LHFPL3: variants seen among roughly 807,000 people sequenced by gnomAD.
LHFPL3 encodes the protein LHFPL tetraspan subfamily member 3.
Under a neutral mutation model 19.3 loss-of-function variants are expected in LHFPL3, and 5 were observed. The observed-to-expected ratio is 0.26, with a 90% CI of 0.14 to 0.54. The LOEUF (loss-of-function observed/expected upper bound fraction) is 0.54, where lower values mean the gene tolerates loss of function less well. Ranked by LOEUF, LHFPL3 falls within the 20% of genes least tolerant of loss-of-function variation. The pLI is 0.94. For missense variants in LHFPL3, 249 were observed against 307.4 expected (o/e 0.81, Z 1.42); for synonymous variants, 133 against 126.2 (o/e 1.05, Z -0.36).
At chr7:104,810,685 G>A (rs1287944927) in intron 2 of LHFPL3, among the ~76,000 whole-genome samples, 1 of 152,156 alleles carries the variant, frequency 6.6e-6, no homozygotes, top group Non-Finnish European at 1.5e-5. Context: ...GGTGTTATTA[G>A]TGCTATTGGG....
At chr7:104,719,206 T>A (rs1232722417) in intron 1 of LHFPL3, among the ~76,000 whole-genome samples, 1 of 152,154 alleles carries the variant, frequency 6.6e-6, no homozygotes. Flanking sequence ...TATCTTTATT[T>A]ATAAGAAGGA....
At chr7:104,866,092 A>C (rs7783243) in intron 2 of LHFPL3, among the ~76,000 whole-genome samples, 1 of 151,938 alleles carries the variant, frequency 6.6e-6, no homozygotes, top group Non-Finnish European at 1.5e-5. Flanking sequence ...ACATGGAGAG[A>C]AACAAGCGGT....
In LHFPL3 at chr7:104,480,290, C is replaced by T. The variant is rs114021513; in HGVS notation, c.445+151066C>T. On this transcript the variant is annotated intron_variant, in intron 1 of 2. Transcript: ENST00000424859. ...GGTTACATTTGCAAATCATCTAGCT[C>T]AGTACCTGATGCACAGCAGATGCTT... Among the ~76,000 whole-genome samples the T allele has an allele frequency of 6.9e-3, 1,046 of 152,256 alleles. 11 individuals are homozygous for T. The highest frequency in any genetic ancestry group is 0.024 in the African/African-American group (989 of 41,536).
intron 1 of LHFPL3, among the ~76,000 whole-genome samples, chr7:104,642,841 C>T (rs1327599340): frequency 1.3e-5 from 2 of 152,158 alleles, no homozygotes; most frequent in Non-Finnish European, 2.9e-5. Flanking sequence ...GCAGGCATTC[C>T]ACATGTAAAA....
chr7:104,851,128 C>G (rs188936633), intron 2 of LHFPL3, among the ~76,000 whole-genome samples: 77 of 152,326 alleles, frequency 5.1e-4, no homozygotes, highest in African/African-American at 1.5e-3. Context: ...TGTTCCAAGT[C>G]TTCAGATGGG....
chr7:104,769,907 A>G (rs1794523740), intron 2 of LHFPL3, among the ~76,000 whole-genome samples: 1 of 152,194 alleles, frequency 6.6e-6, no homozygotes, highest in South Asian at 2.1e-4. Flanking sequence ...GGTGGAAAAA[A>G]TAGCAATTTC....
chr7:104,391,171 A>G (rs1791059398), intron 1 of LHFPL3, among the ~76,000 whole-genome samples: 1 of 152,186 alleles, frequency 6.6e-6, no homozygotes, highest in Non-Finnish European at 1.5e-5. Flanking sequence ...TTTGCTATGC[A>G]GAAGCTCTTT....
intron 1 of LHFPL3, among the ~76,000 whole-genome samples, chr7:104,617,101 C>T (rs887147720): frequency 6.6e-6 from 1 of 152,084 alleles, no homozygotes; most frequent in African/African-American, 2.4e-5. Context: ...GGCGATTCCT[C>T]AAGGATCTAG....
intron 1 of LHFPL3, among the ~76,000 whole-genome samples, chr7:104,376,989 G>A (rs1790728709): frequency 6.6e-6 from 1 of 152,056 alleles, no homozygotes; most frequent in African/African-American, 2.4e-5. Flanking sequence ...CAGTTTTGTT[G>A]GAAATTTTGC....
chr7:104,503,736 A>AT lies in LHFPL3; in HGVS notation c.445+174517dup, dbSNP rs1279211092. ...AGGTGCGCACCACCACACCCAGCTAATTTTTGTATTTTTGGTAGATATGGG... is the reference window on the plus strand; with the variant it reads ...AGGTGCGCACCACCACACCCAGCTAATTTTTTGTATTTTTGGTAGATATGGG... On this transcript the variant is annotated intron_variant, in intron 1 of 2. Coordinates refer to ENST00000424859, the MANE Select transcript of LHFPL3 (RefSeq NM_199000.3). 4.6e-5 allele frequency among the ~76,000 whole-genome samples: 7 copies of AT among 151,774 alleles called. No homozygotes were observed. The East Asian group carries it at 1.4e-3, about 30-fold the overall frequency.
chr7:104,341,698 G>A (rs1403887561), intron 1 of LHFPL3, among the ~76,000 whole-genome samples: 3 of 152,114 alleles, frequency 2.0e-5, no homozygotes, highest in Admixed American at 6.6e-5. Context: ...GGATCCACCA[G>A]CCCCAGTTCA....
intron 1 of LHFPL3, among the ~76,000 whole-genome samples, chr7:104,660,852 A>T (rs1366527332): frequency 1.3e-5 from 2 of 152,222 alleles, no homozygotes; most frequent in East Asian, 3.8e-4. Flanking sequence ...ATACTCCATC[A>T]TACACCATTG....
At chr7:104,571,905 A>C (rs1291767328) in intron 1 of LHFPL3, among the ~76,000 whole-genome samples, 2 of 152,168 alleles carry the variant, frequency 1.3e-5, no homozygotes, top group Non-Finnish European at 2.9e-5. Context: ...AACTTTATGT[A>C]AACACACACA....
intron 1 of LHFPL3, among the ~76,000 whole-genome samples, chr7:104,534,933 C>A (rs528227258): frequency 6.6e-6 from 1 of 152,246 alleles, no homozygotes; most frequent in South Asian, 2.1e-4. Flanking sequence ...TTCTGACTTA[C>A]AATTACGACT....
chr7:104,561,830 C>G (rs1790011035), intron 1 of LHFPL3, among the ~76,000 whole-genome samples: 1 of 152,154 alleles, frequency 6.6e-6, no homozygotes. Context: ...CTGGTTGTTC[C>G]TTTCCATGTT....
At chr7:104,739,797 A>G (rs868072653) in intron 2 of LHFPL3, among the ~76,000 whole-genome samples, 3 of 152,220 alleles carry the variant, frequency 2.0e-5, no homozygotes, top group African/African-American at 7.2e-5. Flanking sequence ...GCAATGTCAT[A>G]TCTCAAGACT....
intron 1 of LHFPL3, chr7:104,669,487 C>A: frequency 3.7e-6 from 6 of 1,612,124 alleles, no homozygotes; most frequent in Non-Finnish European, 5.1e-6. Context: ...TGAGGAAAAT[C>A]CAGCTTCCAA....
rs79806122 is a variant in LHFPL3, at chr7:104,825,465, T to G, written c.683-80722T>G. On this transcript the variant is annotated intron_variant, in intron 2 of 2. Transcript: ENST00000424859. Reference sequence around the variant, plus strand: ...ATTTGGGGCAAGTTATTTAACCCATTAGAGCCTCCATTTCCTGATCTATAA... The same window carrying G: ...ATTTGGGGCAAGTTATTTAACCCATGAGAGCCTCCATTTCCTGATCTATAA... Among the ~76,000 whole-genome samples, 384 of 152,046 alleles carry G rather than the reference T, an allele frequency of 2.5e-3. 5 individuals are homozygous for G. Among genetic ancestry groups the G allele is most frequent in the Non-Finnish European group, 4.6e-3 (313 of 68,024 alleles).
chr7:104,383,954 A>C (rs899739585), intron 1 of LHFPL3, among the ~76,000 whole-genome samples: 1 of 152,194 alleles, frequency 6.6e-6, no homozygotes, highest in African/African-American at 2.4e-5. Flanking sequence ...TCTCAAGAGA[A>C]TATCTTGTGA....
Sources: allele counts gnomAD v4.1 joint callset (sites outside exome capture counted in the v4.1 genomes callset), GRCh38; gene constraint gnomAD v4.1.1; transcripts MANE v1.5; gene names NCBI Gene and HGNC (gene_info 2026-07-23, HGNC 2026-07-21).